Variants in STPG2 observed in about 807,000 individuals in gnomAD.
The protein encoded by STPG2 is sperm tail PG-rich repeat containing 2.
A neutral mutation model predicts 54.2 loss-of-function variants in STPG2; 56 were observed. That is an observed-to-expected ratio of 1.03 (90% CI 0.83 to 1.29). STPG2 has a LOEUF of 1.29. STPG2 is among the 50% of genes most tolerant of loss of function. The pLI is 0.00. For synonymous variants in STPG2, 200 were observed against 181.8 expected, an observed-to-expected ratio of 1.10 and a Z score of -0.81; for missense variants, 596 against 544.9, an observed-to-expected ratio of 1.09 and a Z score of -0.93.
In STPG2 at chr4:97,909,010, TATAATAATA is replaced by T. The variant is rs56703020; in HGVS notation, c.1044+34878_1044+34886del. On this transcript the variant is annotated intron_variant, in intron 8 of 10. Coordinates refer to ENST00000295268, the MANE Select transcript of STPG2 (RefSeq NM_174952.3). ...TGCACATGTACCCTAAAACTTAAAG[TATAATAATA>T]ATAATAATAATAATAATAATAATAA... Among the ~76,000 whole-genome samples, 548 of 143,192 alleles carry T rather than the reference TATAATAATA, an allele frequency of 3.8e-3. 6 individuals carry two copies. The highest frequency in any genetic ancestry group is 0.012 in the African/African-American group (484 of 39,346). 93.9% of individuals were successfully genotyped at this position (143,192 alleles called of 152,430 possible). A position where few individuals can be genotyped will look rare whatever the true frequency, so the allele number is the denominator to read the frequency against.
chr4:97,517,306 T>C (rs979556315), intron 4 of STPG2, among the ~76,000 whole-genome samples: 6 of 152,038 alleles, frequency 3.9e-5, no homozygotes, highest in African/African-American at 1.4e-4. Flanking sequence ...AGCCAGGAGT[T>C]CAAAACCAGC....
intron 8 of STPG2, among the ~76,000 whole-genome samples, chr4:97,925,865 C>A (rs1011947677): frequency 7.9e-5 from 12 of 152,102 alleles, no homozygotes; most frequent in Non-Finnish European, 2.9e-5. Context: ...TTCTGAATCC[C>A]AGCTCCATAA....
At chr4:98,034,128 A>G (rs1005927659) in intron 5 of STPG2, among the ~76,000 whole-genome samples, 3 of 152,122 alleles carry the variant, frequency 2.0e-5, no homozygotes, top group Admixed American at 1.3e-4. Flanking sequence ...AAAAAAATAA[A>G]CGGTATTCAA....
intron 9 of STPG2, among the ~76,000 whole-genome samples, chr4:97,810,450 G>A (rs1451652370): frequency 7.2e-6 from 1 of 138,540 alleles, no homozygotes; most frequent in African/African-American, 2.7e-5. Flanking sequence ...GCAACAGAGT[G>A]AGACTCTGTC....
At chr4:97,683,695 T>A (rs1723102612) in intron 10 of STPG2, among the ~76,000 whole-genome samples, 1 of 151,760 alleles carries the variant, frequency 6.6e-6, no homozygotes, top group African/African-American at 2.4e-5. Context: ...GCTTTTCTCG[T>A]AAGATCAGGA....
chr4:97,994,494 G>A (rs1357702619), intron 5 of STPG2, among the ~76,000 whole-genome samples: 1 of 152,078 alleles, frequency 6.6e-6, no homozygotes, highest in Non-Finnish European at 1.5e-5. Context: ...TTCGTTGTAG[G>A]GTATAGTTTA....
chr4:97,995,308 G>A (rs1735168089), intron 5 of STPG2, among the ~76,000 whole-genome samples: 1 of 152,128 alleles, frequency 6.6e-6, no homozygotes, highest in Non-Finnish European at 1.5e-5. Flanking sequence ...CACAAAGCCT[G>A]CAGTGGCAAT....
At chr4:97,591,085 C>T (rs1733133525) in intron 10 of STPG2, among the ~76,000 whole-genome samples, 2 of 152,012 alleles carry the variant, frequency 1.3e-5, no homozygotes, top group African/African-American at 4.8e-5. Context: ...GCAAGTTCTT[C>T]ACAGACCAAC....
intron 7 of STPG2, among the ~76,000 whole-genome samples, chr4:97,945,200 CT>C (rs909740133): frequency 4.6e-5 from 7 of 152,166 alleles, no homozygotes; most frequent in African/African-American, 1.7e-4. Context: ...TTTTATCCCC[CT>C]ATTCTCCTCC....
intron 5 of STPG2, among the ~76,000 whole-genome samples, chr4:98,087,986 T>A (rs1321418256): frequency 6.6e-6 from 1 of 152,164 alleles, no homozygotes; most frequent in African/African-American, 2.4e-5. Flanking sequence ...TAATATAACA[T>A]CATAAATGCC....
chr4:97,699,388 G>A lies in STPG2; in HGVS notation c.1320+13311C>T, dbSNP rs185129019. On this transcript the variant is annotated intron_variant, in intron 10 of 10. Transcript: ENST00000295268. ...TGCTCCTCTGTCGAGGTCACCCATT[G>A]GTGAGCACTCACATGGGATACAAAT... is the stretch of plus-strand genomic sequence containing the variant. 1.2e-4 allele frequency among the ~76,000 whole-genome samples: 18 copies of A among 152,300 alleles called. No individual in the cohort carries two copies. In the East Asian group the frequency reaches 2.7e-3, roughly 23 times the overall value.
At chr4:97,763,901 A>T (rs1436056494) in intron 9 of STPG2, among the ~76,000 whole-genome samples, 1 of 152,142 alleles carries the variant, frequency 6.6e-6, no homozygotes, top group Non-Finnish European at 1.5e-5. Flanking sequence ...CATAATGATG[A>T]TCATGAAACA....
At position 97,983,888 on chromosome 4, in the gene STPG2, T is replaced by C. The variant is rs184000761; in HGVS notation, c.613-2570A>G. Among the ~76,000 whole-genome samples, 745 of 152,302 alleles carry C rather than the reference T, an allele frequency of 4.9e-3. 8 individuals are homozygous for C. Among genetic ancestry groups the C allele is most frequent in the South Asian group, 2.3e-3 (11 of 4,826 alleles). On this transcript the variant is annotated intron_variant, in intron 5 of 10. Coordinates refer to ENST00000295268, the MANE Select transcript of STPG2 (RefSeq NM_174952.3). ...ACATATATACATTTACATGTGCACATATATATGCATATATTCATACATATA... is the reference window on the plus strand; with the variant it reads ...ACATATATACATTTACATGTGCACACATATATGCATATATTCATACATATA...
chr4:97,860,113 T>G (rs1447754445), intron 8 of STPG2, among the ~76,000 whole-genome samples: 1 of 152,236 alleles, frequency 6.6e-6, no homozygotes, highest in Admixed American at 6.5e-5. Context: ...AGTAGCATGC[T>G]GTCTTGTTAA....
intron 6 of STPG2, among the ~76,000 whole-genome samples, chr4:97,979,464 A>G (rs892705960): frequency 2.0e-5 from 3 of 152,112 alleles, no homozygotes; most frequent in Non-Finnish European, 4.4e-5. Flanking sequence ...ATTATCCTAT[A>G]TCTCTCCCAC....
chr4:98,141,935 T>C (rs934548977), intron 1 of STPG2, among the ~76,000 whole-genome samples: 12 of 113,838 alleles, frequency 1.1e-4, no homozygotes, highest in Admixed American at 6.0e-4. Context: ...TCCAAGACAG[T>C]AGTTGGGAAA....
chr4:97,927,539 C>T (rs898776807), intron 8 of STPG2, among the ~76,000 whole-genome samples: 1 of 152,012 alleles, frequency 6.6e-6, no homozygotes, highest in African/African-American at 2.4e-5. Context: ...ATAGTGATTA[C>T]ATTTTTTAAA....
intron 4 of STPG2, among the ~76,000 whole-genome samples, chr4:97,552,921 G>C (rs1354252313): frequency 6.6e-6 from 1 of 152,134 alleles, no homozygotes; most frequent in African/African-American, 2.4e-5. Flanking sequence ...ATCAAGCCAT[G>C]TTATTTGTTT....
chr4:98,041,265 T>C (rs1257601118), intron 5 of STPG2, among the ~76,000 whole-genome samples: 1 of 151,848 alleles, frequency 6.6e-6, no homozygotes, highest in Non-Finnish European at 1.5e-5. Flanking sequence ...CACAATTTCA[T>C]ATCAGCAACC....
Sources: gnomAD v4.1 joint callset for allele counts (sites outside exome capture counted in the v4.1 genomes callset) on GRCh38, gnomAD v4.1.1 for gene constraint, MANE v1.5 for transcripts, NCBI Gene and HGNC (gene_info 2026-07-23, HGNC 2026-07-21) for gene names.